EPSTI1: variants seen among roughly 807,000 people sequenced by gnomAD.
EPSTI1 encodes the protein epithelial stromal interaction 1, also known as epithelial-stromal interaction protein 1.
In EPSTI1, 66 loss-of-function variants were observed where a neutral mutation model predicts 49.9. The observed-to-expected ratio is 1.32, with a 90% CI of 1.08 to 1.62. EPSTI1 has a LOEUF of 1.62. EPSTI1 is among the 40% of genes most tolerant of loss of function. The pLI is 0.00. For synonymous variants in EPSTI1, 137 were observed against 130.7 expected (o/e 1.05, Z -0.33); for missense variants, 394 against 365.5 (o/e 1.08, Z -0.64).
intron 8 of EPSTI1, among the ~76,000 whole-genome samples, chr13:42,912,106 C>G (rs1029274814): frequency 6.6e-6 from 1 of 152,146 alleles, no homozygotes; most frequent in Non-Finnish European, 1.5e-5. Flanking sequence ...AAACCAATAA[C>G]CATGCACAAT....
chr13:42,887,955 C>A lies in EPSTI1; in HGVS notation c.*539G>T, dbSNP rs1594590689. 1 of 208,404 alleles carries A rather than the reference C, an allele frequency of 4.8e-6. No individual in the cohort carries two copies. Among genetic ancestry groups the A allele is most frequent in the East Asian group, 1.2e-4 (1 of 8,676 alleles). The allele number at this position is 208,404 out of a possible 1,614,324, so 12.9% of individuals were successfully genotyped here. On this transcript the variant is annotated 3_prime_UTR_variant, in exon 11 of 11. Transcript: ENST00000313624. ...CCTTCAAGAGAGAAAACCCCAATAA[C>A]TTTTCATTAAAAATAAAAATGACCC...
At chr13:42,953,898 T>C (rs1371249909) in intron 6 of EPSTI1, 50 bp downstream of exon 6, 1 of 1,476,146 alleles carries the variant, frequency 6.8e-7, no homozygotes, top group Non-Finnish European at 9.4e-7. Context: ...TTAAAACCTC[T>C]ATGAACAATC....
intron 8 of EPSTI1, among the ~76,000 whole-genome samples, chr13:42,916,431 C>T (rs2037833566): frequency 6.6e-6 from 1 of 152,106 alleles, no homozygotes; most frequent in Non-Finnish European, 1.5e-5. Flanking sequence ...ATACCATATG[C>T]TGGGCGAAAC....
chr13:42,923,479 T>C (rs540144681), intron 7 of EPSTI1, among the ~76,000 whole-genome samples: 1 of 152,258 alleles, frequency 6.6e-6, no homozygotes, highest in African/African-American at 2.4e-5. Flanking sequence ...CAGGATGGCT[T>C]GAACCTGGGA....
intron 1 of EPSTI1, among the ~76,000 whole-genome samples, chr13:42,971,797 C>T (rs1183233162): frequency 1.3e-5 from 2 of 152,204 alleles, no homozygotes; most frequent in Non-Finnish European, 2.9e-5. Context: ...TCAAACTGGG[C>T]TTTAATTTTA....
At chr13:42,954,125 G>A in intron 5 of EPSTI1, 104 bp from the exon 6 acceptor site, 2 of 889,164 alleles carry the variant, frequency 2.2e-6, no homozygotes, top group Non-Finnish European at 1.7e-6. Context: ...AACTGGCCTT[G>A]ATAGTCTAAT....
chr13:42,930,057 G>A (rs2038311860), intron 6 of EPSTI1, among the ~76,000 whole-genome samples: 1 of 152,190 alleles, frequency 6.6e-6, no homozygotes, highest in Non-Finnish European at 1.5e-5. Context: ...CACCCCTGGT[G>A]ATGTTAAGAA....
intron 10 of EPSTI1, 98 bp downstream of exon 10, chr13:42,894,911 G>A (rs1210118640): frequency 1.6e-5 from 17 of 1,042,314 alleles, no homozygotes; most frequent in Middle Eastern, 2.1e-4. Context: ...CAACAAAAAC[G>A]TAATATCTGG....
intron 1 of EPSTI1, among the ~76,000 whole-genome samples, chr13:42,983,741 T>A (rs1400252120): frequency 2.0e-5 from 3 of 152,150 alleles, no homozygotes; most frequent in Admixed American, 1.3e-4. Context: ...AAAATCATTT[T>A]ATTTTCAAGA....
chr13:42,953,963 C>G lies in EPSTI1; in HGVS notation c.548G>C (p.Arg183Thr). ...ATTAACTTACTATTGCTGATGCTCTCTAAATGCTTCTCTTCTAAGGTTTTC... is the reference window on the plus strand; with the variant it reads ...ATTAACTTACTATTGCTGATGCTCTGTAAATGCTTCTCTTCTAAGGTTTTC... ...LQENLRREAFREHQQYKTAEF... is the reference protein window; with the variant it reads ...LQENLRREAFTEHQQYKTAEF... Residue 183 changes from arginine to threonine, a missense_variant, in exon 6 of 11, where the codon AGA (arginine) becomes ACA (threonine). Coordinates refer to ENST00000313624, the MANE Select transcript of EPSTI1 (RefSeq NM_033255.5). The G allele has an allele frequency of 6.2e-7, 1 of 1,613,022 alleles. No homozygotes were observed. Among genetic ancestry groups the G allele is most frequent in the Non-Finnish European group, 8.5e-7 (1 of 1,179,866 alleles).
intron 2 of EPSTI1, chr13:42,969,380 A>G (rs1298601547): frequency 3.4e-6 from 2 of 579,816 alleles, no homozygotes; most frequent in Non-Finnish European, 6.0e-6. Flanking sequence ...CATTCTCACC[A>G]AGAGTCAGCA....
intron 6 of EPSTI1, among the ~76,000 whole-genome samples, chr13:42,935,985 T>C (rs1344508578): frequency 6.6e-6 from 1 of 152,204 alleles, no homozygotes; most frequent in Non-Finnish European, 1.5e-5. Flanking sequence ...AATAAGTCTT[T>C]CATCTTCTCA....
chr13:42,974,913 G>C (rs1192028350), intron 1 of EPSTI1, among the ~76,000 whole-genome samples: 3 of 152,122 alleles, frequency 2.0e-5, no homozygotes, highest in Non-Finnish European at 4.4e-5. Context: ...AAGAAATGCA[G>C]TTAAGAGCAA....
chr13:42,975,631 T>G (rs2039865981), intron 1 of EPSTI1, among the ~76,000 whole-genome samples: 1 of 152,182 alleles, frequency 6.6e-6, no homozygotes, highest in African/African-American at 2.4e-5. Flanking sequence ...AGAAAAAAAG[T>G]GCTGCTTCTT....
At chr13:42,967,619 A>C (rs1047200543) in intron 3 of EPSTI1, among the ~76,000 whole-genome samples, 3 of 152,234 alleles carry the variant, frequency 2.0e-5, no homozygotes, top group Non-Finnish European at 4.4e-5. Flanking sequence ...GGAGTCTACC[A>C]AGAGCCAACA....
At chr13:42,927,960 T>C (rs183489354) in intron 6 of EPSTI1, among the ~76,000 whole-genome samples, 2 of 152,274 alleles carry the variant, frequency 1.3e-5, no homozygotes, top group East Asian at 3.9e-4. Context: ...AAAGAAACAC[T>C]GTGACAAGCA....
chr13:42,919,222 G>T, intron 7 of EPSTI1: 2 of 1,371,420 alleles, frequency 1.5e-6, no homozygotes, highest in Non-Finnish European at 2.1e-6. Context: ...CCTTATAAAG[G>T]TCCACAGAAA....
At position 42,922,188 on chromosome 13, in the gene EPSTI1, T is replaced by C. The variant is rs2038022126; in HGVS notation, c.657+4148A>G. Among the ~76,000 whole-genome samples, 1 of 152,194 alleles carries C rather than the reference T, an allele frequency of 6.6e-6. No individual in the cohort carries two copies. Among genetic ancestry groups the C allele is most frequent in the Non-Finnish European group, 1.5e-5 (1 of 68,034 alleles). The stretch of plus-strand genomic sequence containing the variant: ...TGATTAGTCAAGAGATACCAACACA[T>C]ATTAACAGATATTCGGAGCTAACTA... On this transcript the variant is annotated intron_variant, in intron 7 of 10. Transcript: ENST00000313624. This position sits in a 1 kb window ranked among gnomAD's most constrained non-coding sequence, Gnocchi z 4.8.
At chr13:42,895,964 TTCAG>T (rs1474646219) in intron 9 of EPSTI1, among the ~76,000 whole-genome samples, 1 of 152,186 alleles carries the variant, frequency 6.6e-6, no homozygotes, top group Admixed American at 6.5e-5. Flanking sequence ...GAGCCTCTTG[TTCAG>T]TCATGAAGAT....
Sources: gnomAD v4.1 joint callset for allele counts (sites outside exome capture counted in the v4.1 genomes callset) on GRCh38, gnomAD v4.1.1 for gene constraint, Gnocchi (gnomAD v3.1) non-coding constraint, MANE v1.5 for transcripts, NCBI Gene and HGNC (gene_info 2026-07-23, HGNC 2026-07-21) for gene names.